Variants in CERS6 observed in about 807,000 individuals in gnomAD.
CERS6 encodes LAG1 homolog, ceramide synthase 6.
A neutral mutation model predicts 56.8 loss-of-function variants in CERS6; 26 were observed. The observed-to-expected ratio is 0.46, with a 90% CI of 0.34 to 0.63. The LOEUF (loss-of-function observed/expected upper bound fraction) is 0.63. Among genes scored for constraint, CERS6 ranks in the 30% least tolerant of loss-of-function variants. The probability of loss-of-function intolerance (pLI) is 0.01; values close to 1 mark genes in which losing one functional copy is unlikely to be tolerated. For synonymous variants in CERS6, 164 were observed against 173.3 expected (o/e 0.95, Z 0.42); for missense variants, 415 against 467.5 (o/e 0.89, Z 1.04).
rs143493353 is a variant in CERS6, at chr2:168,691,135, C to T, written c.516+51C>T. On this transcript the variant is annotated intron_variant, in intron 5 of 9. Transcript: ENST00000305747. ...TTTACACACATTAAGTATCTACCTTCGGTCAATTTCATGGTCTCAGGCAGG... is the reference window on the plus strand; with the variant it reads ...TTTACACACATTAAGTATCTACCTTTGGTCAATTTCATGGTCTCAGGCAGG... The T allele has an allele frequency of 1.3e-3, 2,071 of 1,551,062 alleles. 25 individuals are homozygous for T. The highest frequency in any genetic ancestry group is 0.013 in the South Asian group (1,176 of 89,300).
intron 1 of CERS6, among the ~76,000 whole-genome samples, chr2:168,458,010 G>T (rs971471255): frequency 1.8e-4 from 27 of 152,176 alleles, no homozygotes; most frequent in African/African-American, 6.5e-4. Flanking sequence ...ATACAAAAAA[G>T]GATCAAAAAA....
intron 8 of CERS6, among the ~76,000 whole-genome samples, chr2:168,729,618 G>A (rs921679081): frequency 1.8e-4 from 28 of 152,306 alleles, no homozygotes; most frequent in Admixed American, 1.6e-3. Flanking sequence ...GGGCTCTGTG[G>A]TGCTATCAGA....
At chr2:168,708,750 A>C (rs1687019092) in intron 6 of CERS6, among the ~76,000 whole-genome samples, 2 of 152,120 alleles carry the variant, frequency 1.3e-5, no homozygotes, top group African/African-American at 2.4e-5. Context: ...GCACATCTAA[A>C]TCAGGCTTTA....
chr2:168,623,984 C>T (rs754747146), intron 3 of CERS6, among the ~76,000 whole-genome samples: 22 of 152,140 alleles, frequency 1.4e-4, no homozygotes, highest in Non-Finnish European at 2.6e-4. Flanking sequence ...AGGGACCCTA[C>T]CTAGGCTGTT....
chr2:168,564,098 T>A lies in CERS6; in HGVS notation c.407+2776T>A, dbSNP rs1372748806. On this transcript the variant is annotated intron_variant, in intron 3 of 9. Coordinates refer to ENST00000305747, the MANE Select transcript of CERS6 (RefSeq NM_203463.3). ...GTGGTCTTTAATGTGTTAATGACAC[T>A]CCAGATTTAGTCTTCAATCTCATTT... Among the ~76,000 whole-genome samples the A allele has an allele frequency of 2.0e-5, 3 of 152,206 alleles. No individual in the cohort carries two copies. In the East Asian group the frequency reaches 5.8e-4, roughly 29 times the overall value.
At chr2:168,484,042 A>G (rs373309930) in intron 1 of CERS6, among the ~76,000 whole-genome samples, 1 of 152,176 alleles carries the variant, frequency 6.6e-6, no homozygotes, top group Non-Finnish European at 1.5e-5. Flanking sequence ...CAGTATGTTC[A>G]AAGCTAAAAG....
At chr2:168,627,915 A>G (rs1361225700) in intron 3 of CERS6, among the ~76,000 whole-genome samples, 2 of 151,644 alleles carry the variant, frequency 1.3e-5, no homozygotes, top group South Asian at 2.1e-4. Flanking sequence ...TTAATTTTAT[A>G]CTGTATGTAT....
At chr2:168,462,571 G>T (rs1009493952) in intron 1 of CERS6, among the ~76,000 whole-genome samples, 9 of 152,094 alleles carry the variant, frequency 5.9e-5, no homozygotes, top group African/African-American at 2.2e-4. Context: ...TTGGGACAGG[G>T]CTTCACTCCG....
intron 6 of CERS6, among the ~76,000 whole-genome samples, chr2:168,701,871 A>G (rs776211791): frequency 2.4e-4 from 36 of 152,100 alleles, no homozygotes; most frequent in Non-Finnish European, 3.8e-4. Flanking sequence ...TTAAAAATAA[A>G]ATAAAATTGT....
intron 8 of CERS6, among the ~76,000 whole-genome samples, chr2:168,744,399 C>T (rs371458100): frequency 1.5e-4 from 23 of 151,864 alleles, no homozygotes; most frequent in African/African-American, 2.2e-4. Context: ...TCAGCTGCTA[C>T]GAACACACTG....
intron 4 of CERS6, among the ~76,000 whole-genome samples, chr2:168,659,757 G>T (rs887829423): frequency 1.3e-5 from 2 of 151,492 alleles, no homozygotes; most frequent in African/African-American, 4.9e-5. Flanking sequence ...GGCTTGGCTT[G>T]GTCATTACAA....
intron 1 of CERS6, among the ~76,000 whole-genome samples, chr2:168,487,366 A>G (rs1332560803): frequency 6.6e-6 from 1 of 152,154 alleles, no homozygotes; most frequent in Admixed American, 6.6e-5. Flanking sequence ...CTCCTCTACT[A>G]TTTTAAAGAA....
chr2:168,573,057 A>G (rs1696019734), intron 3 of CERS6, among the ~76,000 whole-genome samples: 1 of 152,148 alleles, frequency 6.6e-6, no homozygotes, highest in African/African-American at 2.4e-5. Context: ...AGGAGGTGAC[A>G]CTGCTGAATT....
At chr2:168,764,106 T>C (rs1003141550) in intron 8 of CERS6, among the ~76,000 whole-genome samples, 2 of 152,200 alleles carry the variant, frequency 1.3e-5, no homozygotes, top group Non-Finnish European at 2.9e-5. Context: ...TACTCTTACG[T>C]ACTCTTAAAA....
chr2:168,510,208 G>A (rs555867039), intron 1 of CERS6, among the ~76,000 whole-genome samples: 1 of 152,040 alleles, frequency 6.6e-6, no homozygotes, highest in Admixed American at 6.5e-5. Context: ...GGATTAAGTG[G>A]TTTAGACAGT....
chr2:168,725,964 C>G (rs1683338533), intron 8 of CERS6, among the ~76,000 whole-genome samples: 1 of 152,210 alleles, frequency 6.6e-6, no homozygotes, highest in African/African-American at 2.4e-5. Context: ...ATCTGCATCT[C>G]TCTCTCTTAT....
chr2:168,557,576 C>T (rs1695707603), intron 2 of CERS6, among the ~76,000 whole-genome samples: 1 of 152,070 alleles, frequency 6.6e-6, no homozygotes, highest in Non-Finnish European at 1.5e-5. Flanking sequence ...ATATGAGTAG[C>T]CATCTGGAAA....
intron 1 of CERS6, among the ~76,000 whole-genome samples, chr2:168,472,543 C>A (rs2105325840): frequency 6.6e-6 from 1 of 152,122 alleles, no homozygotes; most frequent in South Asian, 2.1e-4. Flanking sequence ...TGTTTATGTA[C>A]AAAATCTGAT....
At chr2:168,591,750 A>G (rs1014576896) in intron 3 of CERS6, among the ~76,000 whole-genome samples, 2 of 152,358 alleles carry the variant, frequency 1.3e-5, no homozygotes, top group Non-Finnish European at 1.5e-5. Context: ...AACAGATTCT[A>G]GAAATATTTT....
Sources: gnomAD v4.1 joint callset for allele counts (sites outside exome capture counted in the v4.1 genomes callset) on GRCh38, gnomAD v4.1.1 for gene constraint, MANE v1.5 for transcripts, NCBI Gene and HGNC (gene_info 2026-07-23, HGNC 2026-07-21) for gene names.